Variants in NEB observed in about 807,000 individuals in gnomAD.
The protein encoded by NEB is nemaline myopathy type 2.
In NEB, 512 loss-of-function variants were observed where a neutral mutation model predicts 952.2. The observed-to-expected ratio is 0.54, with a 90% CI of 0.50 to 0.58. The LOEUF is 0.58. Ranked by LOEUF, NEB falls within the 20% of genes least tolerant of loss-of-function variation. NEB has a pLI of 0.00. For synonymous variants in NEB, 2,900 were observed against 3,149.8 expected, an observed-to-expected ratio of 0.92 and a Z score of 2.66; for missense variants, 8,428 against 9,231.1, an observed-to-expected ratio of 0.91 and a Z score of 3.56.
At chr2:151,555,081 G>C in intron 124 of NEB, 37 bp from the exon 125 acceptor site, 1 of 1,354,404 alleles carries the variant, frequency 7.4e-7, no homozygotes, top group Non-Finnish European at 1.1e-6. Context: ...AACAGTTTTA[G>C]AGAGTAATGG....
chr2:151,544,830 T>C (rs1317003591), intron 135 of NEB, among the ~76,000 whole-genome samples: 1 of 152,204 alleles, frequency 6.6e-6, no homozygotes, highest in Non-Finnish European at 1.5e-5. Context: ...AAGCCAATGC[T>C]CAGCTGGGTG....
At chr2:151,708,235 C>T (rs534775049) in intron 12 of NEB, among the ~76,000 whole-genome samples, 2 of 152,270 alleles carry the variant, frequency 1.3e-5, no homozygotes, top group Admixed American at 1.3e-4. Flanking sequence ...CCCTCTTTAC[C>T]CAGTTTTTCA....
rs558583733 is a variant in NEB at position 151,538,060 on chromosome 2, G to C, written c.20997+80C>G. Reference sequence around the variant, plus strand: ...CTTCTTTCTGGAGAATTTCAGAAGAGGGAGGTTGCTAAAAAATATATGTAT... The same window carrying C: ...CTTCTTTCTGGAGAATTTCAGAAGACGGAGGTTGCTAAAAAATATATGTAT... On this transcript the variant is annotated intron_variant, in intron 139 of 181. Transcript: ENST00000397345. The C allele has an allele frequency of 2.0e-6, 3 of 1,502,294 alleles. No homozygotes were observed. In the African/African-American group the frequency reaches 4.1e-5, roughly 21 times the overall value. 93.1% of individuals were successfully genotyped at this position (1,502,294 alleles called of 1,614,324 possible).
At chr2:151,499,862 T>C (rs551793348) in intron 168 of NEB, among the ~76,000 whole-genome samples, 171 of 152,330 alleles carry the variant, frequency 1.1e-3, no homozygotes, top group African/African-American at 3.8e-3. Context: ...AGAGGTTCAA[T>C]ATGTGGCATT....
In NEB at chr2:151,666,143, G is replaced by A. The variant is rs776231831; in HGVS notation, c.4978C>T (p.Pro1660Ser). 3 of 1,613,908 alleles carry A rather than the reference G, an allele frequency of 1.9e-6. No homozygotes were observed. The Admixed American group carries it at 5.0e-5, about 27-fold the overall frequency. Residue 1660 changes from proline to serine, a missense_variant, in exon 41 of 182, where the codon CCC becomes TCC. Physicochemically the swap from Pro to Ser is moderately conservative, Grantham distance 74 (BLOSUM62 -1). Coordinates refer to ENST00000397345, the MANE Select transcript of NEB (RefSeq NM_001164508.2). ...RQSYHHYTLL[P>S]DALNVEHSRN... ...GAGTGCTCCACATTCAAGGCATCGG[G>A]CAGGAGAGTGTAGTGGTGGTATGAC... is the stretch of plus-strand genomic sequence containing the variant.
intron 129 of NEB, among the ~76,000 whole-genome samples, chr2:151,551,112 C>T (rs1481556127): frequency 6.6e-6 from 1 of 151,990 alleles, no homozygotes; most frequent in Non-Finnish European, 1.5e-5. Context: ...GGATTACAGG[C>T]ATGCACTGCC....
At chr2:151,535,867 A>G (rs1007237577) in intron 141 of NEB, 72 bp from the exon 142 acceptor site, 27 of 785,966 alleles carry the variant, frequency 3.4e-5, no homozygotes, top group African/African-American at 2.8e-4. Flanking sequence ...GCTGTTTATC[A>G]TATGATATAA....
chr2:151,612,493 T>G, intron 77 of NEB, 104 bp from the exon 78 acceptor site: 1 of 1,157,288 alleles, frequency 8.6e-7, no homozygotes. Flanking sequence ...GAATCTTATT[T>G]GTGTAAATTT....
chr2:151,718,980 G>C (rs971515346), intron 9 of NEB, among the ~76,000 whole-genome samples: 1 of 152,018 alleles, frequency 6.6e-6, no homozygotes, highest in Non-Finnish European at 1.5e-5. Context: ...CTCCCCATCT[G>C]TCTGCAAACC....
At chr2:151,641,701 T>C (rs1475882856) in intron 60 of NEB, among the ~76,000 whole-genome samples, 1 of 152,224 alleles carries the variant, frequency 6.6e-6, no homozygotes, top group African/African-American at 2.4e-5. Context: ...GATTGTCATT[T>C]ATTCTTAAAT....
rs1463906422 is a variant in NEB at position 151,677,954 on chromosome 2, ATGCTTATAGTTGACAT to A, written c.3473_3488del (p.Asn1158IlefsTer21). Reference sequence around the variant, plus strand: ...GCAAGTAGGTGTAATGATGGAGAGAATGCTTATAGTTGACATTGCTGACCACATCCTGGGCTTTCTT... The same window carrying A: ...GCAAGTAGGTGTAATGATGGAGAGAATGCTGACCACATCCTGGGCTTTCTT... On this transcript the variant is annotated frameshift_variant, in exon 33 of 182. Transcript: ENST00000397345. LOFTEE classifies it high-confidence loss of function. 20 of 1,613,946 alleles carry A rather than the reference ATGCTTATAGTTGACAT, an allele frequency of 1.2e-5. No homozygotes were observed. Among genetic ancestry groups the A allele is most frequent in the Non-Finnish European group, 1.7e-5 (20 of 1,179,864 alleles).
intron 84 of NEB, 48 bp from the exon 85 acceptor site, chr2:151,604,919 T>C: frequency 4.3e-6 from 2 of 464,152 alleles, no homozygotes; most frequent in Non-Finnish European, 7.5e-6. Flanking sequence ...AAATAATGTA[T>C]TAAGAGGGGT....
Position 151,505,554 on chromosome 2 carries a change from G to A in NEB, c.23666C>T (p.Ala7889Val). The change falls in exon 165 of 182, where the codon GCA becomes GTA. Residue 7889 changes from alanine to valine, a missense_variant. Coordinates refer to ENST00000397345, the MANE Select transcript of NEB (RefSeq NM_001164508.2). ...DHISSVKYKE[A>V]IGQGTPIPDL... ...AGGGATTGGAGTTCCTTGTCCTATTGCTTCCTTATACTTCACCTGCAGATT... is the reference window on the plus strand; with the variant it reads ...AGGGATTGGAGTTCCTTGTCCTATTACTTCCTTATACTTCACCTGCAGATT... The A allele has an allele frequency of 5.6e-6, 9 of 1,613,414 alleles. No homozygotes were observed. The highest frequency in any genetic ancestry group is 7.6e-6 in the Non-Finnish European group (9 of 1,179,452).
chr2:151,492,733 C>T (rs572270270), intron 176 of NEB: 27 of 322,674 alleles, frequency 8.4e-5, no homozygotes, highest in African/African-American at 4.3e-4. Flanking sequence ...AGAAGGGGCA[C>T]GGTATAATTT....
intron 140 of NEB, 115 bp downstream of exon 140, chr2:151,537,757 C>T: frequency 1.6e-6 from 1 of 639,958 alleles, no homozygotes; most frequent in Non-Finnish European, 2.5e-6. Context: ...TAAACATCCA[C>T]ACACAAAATC....
chr2:151,627,525 C>A lies in NEB; in HGVS notation c.10141G>T (p.Asp3381Tyr), dbSNP rs374760449. ...TACCATGGATCTTAATTACTCACAT[C>A]GCTCTGGAGGTCATAGGCCTGCCGA... The part of the protein sequence containing the change: ...HARQAYDLQS[D>Y]NIYKSDLQWL... The change falls in exon 69 of 182, where the codon GAT (aspartate) becomes TAT (tyrosine). Residue 3381 changes from aspartate to tyrosine, a missense_variant and splice_region_variant. Physicochemically the swap from Asp to Tyr is radical, Grantham distance 160. This residue lies in a region of NEB where 1,772 missense variants were observed against 1,960.3 expected (regional missense o/e 0.90). Transcript: ENST00000397345. 1 of 1,613,140 alleles carries A rather than the reference C, an allele frequency of 6.2e-7. No homozygotes were observed. The highest frequency in any genetic ancestry group is 2.2e-5 in the East Asian group (1 of 44,886).
chr2:151,645,547 A>G (rs1382630004), intron 55 of NEB, among the ~76,000 whole-genome samples: 5 of 152,266 alleles, frequency 3.3e-5, no homozygotes, highest in African/African-American at 9.6e-5. Flanking sequence ...CAGATTATTT[A>G]AAGTGCCTAT....
At chr2:151,643,730 G>A (rs2098917783) in intron 57 of NEB, 88 bp downstream of exon 57, 2 of 1,543,218 alleles carry the variant, frequency 1.3e-6, no homozygotes, top group South Asian at 1.3e-5. Flanking sequence ...GGGTAATTGT[G>A]TAAACTCAAC....
At chr2:151,674,334 G>T in intron 36 of NEB, 143 bp downstream of exon 36, 1 of 721,364 alleles carries the variant, frequency 1.4e-6, no homozygotes, top group Non-Finnish European at 2.4e-6. Flanking sequence ...TTCTAAAAGT[G>T]ACAGGTTTTT....
Sources: allele counts gnomAD v4.1 joint callset (sites outside exome capture counted in the v4.1 genomes callset), GRCh38; gene constraint gnomAD v4.1.1; regional missense constraint gnomAD v4.1.1; transcripts MANE v1.5; gene names NCBI Gene and HGNC (gene_info 2026-07-23, HGNC 2026-07-21).